The following TMEM156 variants were observed in gnomAD, a reference collection of about 807,000 sequenced individuals.
TMEM156 encodes transmembrane protein 156.
Under a neutral mutation model 30.5 loss-of-function variants are expected in TMEM156, and 28 were observed. That is an observed-to-expected ratio of 0.92 (90% CI 0.68 to 1.26). TMEM156 has a LOEUF of 1.26. TMEM156 is among the 50% of genes most tolerant of loss of function. The pLI is 0.00. For synonymous variants in TMEM156, 137 were observed against 119.9 expected (o/e 1.14, Z -0.93); for missense variants, 351 against 340.6 (o/e 1.03, Z -0.24).
chr4:38,997,902 T>C (rs1436596794), intron 2 of TMEM156, among the ~76,000 whole-genome samples: 2 of 151,938 alleles, frequency 1.3e-5, no homozygotes, highest in African/African-American at 4.8e-5. Context: ...TACTGGAGAG[T>C]CAGAGAAGTA....
chr4:39,026,064 C>A (rs1324844252), intron 1 of TMEM156, among the ~76,000 whole-genome samples: 1 of 152,086 alleles, frequency 6.6e-6, no homozygotes, highest in Non-Finnish European at 1.5e-5. Context: ...GTGAACAAAG[C>A]AGACAAAACC....
intron 4 of TMEM156, among the ~76,000 whole-genome samples, 185 bp from the exon 5 acceptor site, chr4:38,986,604 C>T (rs145339353): frequency 1.3e-5 from 2 of 151,510 alleles, no homozygotes; most frequent in South Asian, 2.1e-4. Context: ...GTCAGGAGTT[C>T]GAACCCAGCC....
At chr4:38,972,242 ATTTTTTTTT>A (rs144479056) in intron 5 of TMEM156, among the ~76,000 whole-genome samples, 8 of 75,858 alleles carry the variant, frequency 1.1e-4, no homozygotes, top group African/African-American at 4.2e-4. Context: ...TTCTCTGGGA[ATTTTTTTTT>A]TTTTTTTTTT....
intron 5 of TMEM156, among the ~76,000 whole-genome samples, chr4:38,978,452 T>C (rs1367681255): frequency 6.6e-6 from 1 of 152,094 alleles, no homozygotes; most frequent in African/African-American, 2.4e-5. Context: ...CTTAGACACA[T>C]AATAGGTACT....
At chr4:38,972,742 A>C (rs1444950982) in intron 5 of TMEM156, among the ~76,000 whole-genome samples, 1 of 152,112 alleles carries the variant, frequency 6.6e-6, no homozygotes, top group African/African-American at 2.4e-5. Context: ...CCTTTTCTGT[A>C]GGCAGTCCAG....
chr4:38,986,999 T>A (rs1712054378), intron 4 of TMEM156, among the ~76,000 whole-genome samples: 1 of 152,094 alleles, frequency 6.6e-6, no homozygotes, highest in Admixed American at 6.6e-5. Context: ...TTTGTATGCT[T>A]GGATTTGCAA....
intron 3 of TMEM156, among the ~76,000 whole-genome samples, chr4:38,989,590 TA>T (rs1712265906): frequency 6.6e-6 from 1 of 152,116 alleles, no homozygotes; most frequent in African/African-American, 2.4e-5. Flanking sequence ...GATACAGGTA[TA>T]AACTCATTCA....
rs1320401414 is a variant in TMEM156 at position 38,967,232 on chromosome 4, T to C, written c.*448A>G. 1 of 152,216 alleles carries C rather than the reference T, an allele frequency of 6.6e-6. No individual in the cohort carries two copies. The highest frequency in any genetic ancestry group is 1.5e-5 in the Non-Finnish European group (1 of 68,046). 9.4% of individuals were successfully genotyped at this position (152,216 alleles called of 1,614,324 possible). On this transcript the variant is annotated 3_prime_UTR_variant, in exon 7 of 7. Transcript: ENST00000381938. ...GTGAAATAAAAATAATCTATCTGCA[T>C]AGGAAACAATTATCAAATCAGCATC...
At chr4:39,027,931 T>C (rs921885325) in intron 1 of TMEM156, among the ~76,000 whole-genome samples, 1 of 151,962 alleles carries the variant, frequency 6.6e-6, no homozygotes, top group Non-Finnish European at 1.5e-5. Context: ...TAATTTTTAA[T>C]TTTTTAGTAG....
At chr4:38,976,988 C>A (rs1174265715) in intron 5 of TMEM156, among the ~76,000 whole-genome samples, 1 of 152,184 alleles carries the variant, frequency 6.6e-6, no homozygotes, top group Non-Finnish European at 1.5e-5. Context: ...TCACTACAGC[C>A]TCCACCTCCC....
chr4:39,020,746 C>T (rs1055254271), intron 1 of TMEM156, among the ~76,000 whole-genome samples: 2 of 152,066 alleles, frequency 1.3e-5, no homozygotes, highest in Non-Finnish European at 2.9e-5. Context: ...GATGGGGCTT[C>T]ACCATGTTGG....
In TMEM156 at chr4:38,971,106, T is replaced by C; in HGVS notation, c.855A>G (p.Gln285=). 2 of 1,614,080 alleles carry C rather than the reference T, an allele frequency of 1.2e-6. No individual in the cohort carries two copies. Among genetic ancestry groups the C allele is most frequent in the Middle Eastern group, 1.6e-4 (1 of 6,062 alleles). ...GAATTGGGGGAAGCACTTCCTGGAC[T>C]TGATCCAAAGGCAGCCTCTGCGTGG... ...AETTQRLPLD[Q]VQEVLPPIPE... is the part of the protein sequence containing the mutation. The change falls in exon 6 of 7, where the codon CAA becomes CAG. Residue 285 remains glutamine (Q), a synonymous_variant. Coordinates refer to ENST00000381938, the MANE Select transcript of TMEM156 (RefSeq NM_024943.3).
chr4:38,970,357 T>G (rs1238022877), intron 6 of TMEM156, among the ~76,000 whole-genome samples: 4 of 152,144 alleles, frequency 2.6e-5, no homozygotes, highest in Non-Finnish European at 5.9e-5. Context: ...GAGTGCAATA[T>G]CAATTTCCTG....
chr4:38,982,461 T>C (rs1711652313), intron 5 of TMEM156, among the ~76,000 whole-genome samples: 1 of 152,232 alleles, frequency 6.6e-6, no homozygotes, highest in African/African-American at 2.4e-5. Flanking sequence ...ATGCCTTCTT[T>C]AATAAAGTGG....
chr4:38,976,657 G>A (rs1722869193), intron 5 of TMEM156, among the ~76,000 whole-genome samples: 1 of 152,194 alleles, frequency 6.6e-6, no homozygotes, highest in South Asian at 2.1e-4. Flanking sequence ...ACAACAGAAA[G>A]CTAATAAGTA....
intron 2 of TMEM156, among the ~76,000 whole-genome samples, chr4:38,994,580 A>C (rs1476572898): frequency 6.6e-6 from 1 of 152,212 alleles, no homozygotes; most frequent in Non-Finnish European, 1.5e-5. Flanking sequence ...TGGTCACAAC[A>C]ATATTTCCCA....
chr4:38,972,242 A>ATTTTT, intron 5 of TMEM156, among the ~76,000 whole-genome samples: 1 of 75,816 alleles, frequency 1.3e-5, no homozygotes, highest in Non-Finnish European at 2.3e-5. Context: ...TTCTCTGGGA[A>ATTTTT]TTTTTTTTTT....
At chr4:38,977,950 C>T (rs754238034) in intron 5 of TMEM156, among the ~76,000 whole-genome samples, 10 of 152,208 alleles carry the variant, frequency 6.6e-5, no homozygotes, top group Admixed American at 1.3e-4. Flanking sequence ...AGATTTCTAT[C>T]GCTTTTCAAA....
chr4:39,006,593 T>A (rs911383953), intron 1 of TMEM156, among the ~76,000 whole-genome samples: 2 of 152,108 alleles, frequency 1.3e-5, no homozygotes, highest in Non-Finnish European at 2.9e-5. Context: ...AAGTTGTTTT[T>A]AAAGTTTCGC....
Sources: allele counts gnomAD v4.1 joint callset (sites outside exome capture counted in the v4.1 genomes callset), GRCh38; gene constraint gnomAD v4.1.1; transcripts MANE v1.5; gene names NCBI Gene and HGNC (gene_info 2026-07-23, HGNC 2026-07-21).